Variants in THSD7B observed in about 807,000 individuals in gnomAD.
THSD7B encodes the protein thrombospondin type-1 domain-containing protein 7B.
Under a neutral mutation model 213.6 loss-of-function variants are expected in THSD7B, and 138 were observed. The observed-to-expected ratio is 0.65, with a 90% CI of 0.56 to 0.74. THSD7B has a LOEUF of 0.74. Ranked by LOEUF, THSD7B falls within the 30% of genes least tolerant of loss-of-function variation. The probability of loss-of-function intolerance (pLI) is 0.00; values close to 1 mark genes in which losing one functional copy is unlikely to be tolerated. For synonymous variants in THSD7B, 742 were observed against 687.0 expected (o/e 1.08, Z -1.25); for missense variants, 1,931 against 1,991.5 (o/e 0.97, Z 0.58).
At chr2:137,362,180 T>G (rs570639775) in intron 12 of THSD7B, among the ~76,000 whole-genome samples, 2 of 152,200 alleles carry the variant, frequency 1.3e-5, no homozygotes, top group East Asian at 3.9e-4. Context: ...GACAAGCAAA[T>G]GCTGAGAGAT....
intron 2 of THSD7B, among the ~76,000 whole-genome samples, chr2:137,027,231 T>C (rs1048500497): frequency 6.6e-6 from 1 of 152,174 alleles, no homozygotes; most frequent in South Asian, 2.1e-4. Context: ...CATAATATAA[T>C]GGCTAAGCCC....
intron 6 of THSD7B, among the ~76,000 whole-genome samples, chr2:137,167,468 C>T (rs901443869): frequency 2.0e-5 from 3 of 152,104 alleles, no homozygotes; most frequent in African/African-American, 7.2e-5. Context: ...GGTGTTGAGA[C>T]ATAACATTGC....
intron 1 of THSD7B, among the ~76,000 whole-genome samples, chr2:136,808,575 A>C (rs1252144100): frequency 6.6e-6 from 1 of 152,198 alleles, no homozygotes; most frequent in Non-Finnish European, 1.5e-5. Flanking sequence ...ATATGTTTTC[A>C]ATCAGTTGGC....
intron 17 of THSD7B, among the ~76,000 whole-genome samples, chr2:137,600,014 T>G (rs555397316): frequency 2.0e-5 from 3 of 152,292 alleles, no homozygotes; most frequent in Admixed American, 6.5e-5. Context: ...GTCTTCCCTC[T>G]TCTTTCCTCC....
At chr2:136,895,213 G>A (rs550959328) in intron 2 of THSD7B, among the ~76,000 whole-genome samples, 1 of 152,248 alleles carries the variant, frequency 6.6e-6, no homozygotes, top group East Asian at 1.9e-4. Flanking sequence ...GCCCTGGGAT[G>A]CTGCAGGCAG....
intron 1 of THSD7B, among the ~76,000 whole-genome samples, chr2:136,841,861 G>A (rs1036005720): frequency 1.3e-5 from 2 of 152,158 alleles, no homozygotes; most frequent in Non-Finnish European, 2.9e-5. Context: ...AAAGTCAGTA[G>A]ATGGGTGGTA....
Position 137,183,300 on chromosome 2 carries a change from A to G in THSD7B, c.1723+12362A>G, listed in dbSNP as rs77619952. On this transcript the variant is annotated intron_variant, in intron 7 of 27. Coordinates refer to ENST00000409968, the MANE Select transcript of THSD7B (RefSeq NM_001316349.2). ...CATCTCACATAACCATAGTTCAATG[A>G]TCACAAATTAGAAATTTAACACTGG... Among the ~76,000 whole-genome samples, 67 of 152,242 alleles carry G rather than the reference A, an allele frequency of 4.4e-4. 3 individuals are homozygous for G. The East Asian group carries it at 0.013, about 29-fold the overall frequency.
chr2:137,233,862 C>G (rs1402183123), intron 9 of THSD7B, among the ~76,000 whole-genome samples: 1 of 152,106 alleles, frequency 6.6e-6, no homozygotes, highest in African/African-American at 2.4e-5. Context: ...CAGAAGGGCC[C>G]TATGCATTAT....
chr2:136,894,276 A>G (rs1683912702), intron 2 of THSD7B, among the ~76,000 whole-genome samples: 1 of 152,230 alleles, frequency 6.6e-6, no homozygotes, highest in Non-Finnish European at 1.5e-5. Flanking sequence ...TCTTTTTAGA[A>G]ACTGTTTTCA....
chr2:136,916,218 G>A (rs1684345848), intron 2 of THSD7B, among the ~76,000 whole-genome samples: 6 of 152,188 alleles, frequency 3.9e-5, no homozygotes, highest in Admixed American at 3.9e-4. Flanking sequence ...ATGAGAATGT[G>A]TTGGTTATCT....
chr2:136,889,914 T>C (rs566386942), intron 2 of THSD7B, among the ~76,000 whole-genome samples: 1 of 152,316 alleles, frequency 6.6e-6, no homozygotes, highest in East Asian at 1.9e-4. Flanking sequence ...CATCCTCTAG[T>C]ACTGCTAAAA....
At chr2:136,882,087 AGTT>A in intron 1 of THSD7B, 54 bp from the exon 2 acceptor site, 1 of 1,313,184 alleles carries the variant, frequency 7.6e-7, no homozygotes, top group Non-Finnish European at 9.9e-7. Flanking sequence ...AGTCAAAATG[AGTT>A]GTTATCTTTT....
chr2:136,885,102 C>G (rs1683694487), intron 2 of THSD7B, among the ~76,000 whole-genome samples: 1 of 152,124 alleles, frequency 6.6e-6, no homozygotes, highest in African/African-American at 2.4e-5. Flanking sequence ...AATCCAAGAA[C>G]TCAGGTCCAG....
intron 15 of THSD7B, among the ~76,000 whole-genome samples, chr2:137,489,680 T>C (rs773743632): frequency 5.3e-5 from 8 of 152,142 alleles, no homozygotes; most frequent in Non-Finnish European, 1.0e-4. Flanking sequence ...ATTTGAATGA[T>C]TAAAAAGAGA....
chr2:137,224,241 T>C (rs185902031), intron 7 of THSD7B, among the ~76,000 whole-genome samples: 45 of 152,330 alleles, frequency 3.0e-4, no homozygotes, highest in Admixed American at 4.6e-4. Context: ...AAAGGTGTGA[T>C]CATACTTACA....
chr2:136,823,265 C>G (rs79288586), intron 1 of THSD7B, among the ~76,000 whole-genome samples: 1 of 152,154 alleles, frequency 6.6e-6, no homozygotes, highest in Admixed American at 6.5e-5. Flanking sequence ...AATTCTTCTA[C>G]GATGTGGGCC....
At chr2:137,595,937 T>C (rs1681949563) in intron 17 of THSD7B, among the ~76,000 whole-genome samples, 1 of 151,912 alleles carries the variant, frequency 6.6e-6, no homozygotes, top group Non-Finnish European at 1.5e-5. Context: ...TTTGAAGATA[T>C]ATATTACATA....
At chr2:136,970,276 C>A (rs1398347116) in intron 2 of THSD7B, among the ~76,000 whole-genome samples, 1 of 151,932 alleles carries the variant, frequency 6.6e-6, no homozygotes, top group Admixed American at 6.6e-5. Context: ...CCAGCCTGGG[C>A]AACATGGAGA....
At chr2:136,797,140 T>C (rs571539705) in intron 1 of THSD7B, among the ~76,000 whole-genome samples, 17 of 152,014 alleles carry the variant, frequency 1.1e-4, no homozygotes, top group African/African-American at 3.4e-4. Context: ...TCAAGGACAA[T>C]AGAGAGACAC....
Sources: allele counts gnomAD v4.1 joint callset (sites outside exome capture counted in the v4.1 genomes callset), GRCh38; gene constraint gnomAD v4.1.1; transcripts MANE v1.5; gene names NCBI Gene and HGNC (gene_info 2026-07-23, HGNC 2026-07-21).